The following CTNNA3 variants were observed in gnomAD, a reference collection of about 807,000 sequenced individuals.
The protein encoded by CTNNA3 is catenin alpha 3, also known as catenin alpha-3.
A neutral mutation model predicts 95.7 loss-of-function variants in CTNNA3; 76 were observed. The ratio of observed to expected loss-of-function variants is 0.79; its 90% CI spans 0.66 to 0.96. The LOEUF is 0.96. Among genes scored for constraint, CTNNA3 ranks in the 40% least tolerant of loss-of-function variants. CTNNA3 has a pLI of 0.00. For missense variants in CTNNA3, 1,191 were observed against 1,089.8 expected (o/e 1.09, Z -1.31); for synonymous variants, 431 against 374.4 (o/e 1.15, Z -1.74).
At chr10:67,409,543 C>T (rs1295593372) in intron 5 of CTNNA3, among the ~76,000 whole-genome samples, 2 of 150,556 alleles carry the variant, frequency 1.3e-5, no homozygotes, top group African/African-American at 4.9e-5. Flanking sequence ...GATGAGAACA[C>T]ATGAACACAT....
intron 3 of CTNNA3, among the ~76,000 whole-genome samples, chr10:67,600,325 T>TA (rs1490108328): frequency 6.6e-6 from 1 of 152,122 alleles, no homozygotes; most frequent in Non-Finnish European, 1.5e-5. Flanking sequence ...AGTTTTTTTT[T>TA]AACAGAACAT....
intron 13 of CTNNA3, among the ~76,000 whole-genome samples, chr10:66,217,611 GGACATACAT>G (rs2088637652): frequency 6.6e-6 from 1 of 152,036 alleles, no homozygotes; most frequent in South Asian, 2.1e-4. Flanking sequence ...GTTTTCATCT[GGACATACAT>G]TTTCATTGTT....
At chr10:66,300,751 T>C (rs1210887686) in intron 12 of CTNNA3, among the ~76,000 whole-genome samples, 1 of 151,906 alleles carries the variant, frequency 6.6e-6, no homozygotes, top group African/African-American at 2.4e-5. Flanking sequence ...GTCTATAACC[T>C]AAGCTTCTAC....
chr10:67,338,598 T>C (rs1160504042), intron 5 of CTNNA3, among the ~76,000 whole-genome samples: 1 of 152,186 alleles, frequency 6.6e-6, no homozygotes, highest in African/African-American at 2.4e-5. Flanking sequence ...TGGCAATCAC[T>C]GATAAGGAAT....
rs1465765604 is a variant in CTNNA3 at position 67,237,137 on chromosome 10, T to C, written c.580-17267A>G. Among the ~76,000 whole-genome samples the C allele has an allele frequency of 4.8e-3, 250 of 52,166 alleles. 16 individuals carry two copies. The East Asian group carries it at 0.1, about 22-fold the overall frequency. The allele number at this position is 52,166 out of a possible 152,430, so 34.2% of individuals were successfully genotyped here. A position where few individuals can be genotyped will look rare whatever the true frequency, so the allele number is the denominator to read the frequency against. On this transcript the variant is annotated intron_variant, in intron 5 of 17. Transcript: ENST00000433211. ...AAACTATGGTGTATGTATATATATA[T>C]ATATATATATATATATATATATATA...
chr10:67,373,622 C>T (rs1323695422), intron 5 of CTNNA3, among the ~76,000 whole-genome samples: 1 of 151,988 alleles, frequency 6.6e-6, no homozygotes, highest in Non-Finnish European at 1.5e-5. Flanking sequence ...GCACCAAGAT[C>T]TCCACTTGTT....
intron 10 of CTNNA3, among the ~76,000 whole-genome samples, chr10:66,531,428 T>G (rs901061548): frequency 3.3e-5 from 5 of 152,152 alleles, no homozygotes; most frequent in African/African-American, 1.2e-4. Context: ...CTTGCTCTGT[T>G]GCCCAGACTA....
intron 7 of CTNNA3, among the ~76,000 whole-genome samples, chr10:67,029,748 T>A (rs143020821): frequency 1.3e-5 from 2 of 152,176 alleles, no homozygotes; most frequent in African/African-American, 4.8e-5. Context: ...TGATTCTATA[T>A]CAAAAACCAA....
intron 13 of CTNNA3, among the ~76,000 whole-genome samples, chr10:66,128,977 A>T (rs1243877268): frequency 6.6e-6 from 1 of 152,144 alleles, no homozygotes; most frequent in East Asian, 1.9e-4. Context: ...AACAAAAAAA[A>T]AACTTGGCTG....
At chr10:65,983,662 A>G (rs1183668210) in intron 16 of CTNNA3, among the ~76,000 whole-genome samples, 4 of 151,464 alleles carry the variant, frequency 2.6e-5, no homozygotes, top group Admixed American at 1.3e-4. Context: ...AAATTCTACA[A>G]GACTTAAATA....
chr10:66,442,687 T>C (rs541612867), intron 11 of CTNNA3, among the ~76,000 whole-genome samples: 388 of 152,296 alleles, frequency 2.5e-3, no homozygotes, highest in African/African-American at 7.5e-3. Context: ...GGAGCCAAGA[T>C]GGCCGAATAG....
At chr10:66,292,046 A>G (rs1366136962) in intron 12 of CTNNA3, among the ~76,000 whole-genome samples, 2 of 151,164 alleles carry the variant, frequency 1.3e-5, no homozygotes, top group South Asian at 4.2e-4. Flanking sequence ...ACACACACCA[A>G]ATTTGGTATA....
chr10:67,154,689 C>T (rs1340096421), intron 7 of CTNNA3, among the ~76,000 whole-genome samples: 1 of 152,138 alleles, frequency 6.6e-6, no homozygotes, highest in East Asian at 1.9e-4. Context: ...CCCTCCAATC[C>T]TATAGCGACT....
chr10:66,635,533 G>A (rs12780976), intron 9 of CTNNA3, among the ~76,000 whole-genome samples: 47,022 of 151,954 alleles, frequency 0.31, 8,085 homozygotes, highest in Non-Finnish European at 0.39. Flanking sequence ...ATATATTAAA[G>A]CCAATATAAA....
chr10:66,096,294 T>C (rs1241687839), intron 14 of CTNNA3, among the ~76,000 whole-genome samples: 1 of 152,084 alleles, frequency 6.6e-6, no homozygotes, highest in African/African-American at 2.4e-5. Context: ...TTAGACCTTA[T>C]TGGATTTCAA....
At chr10:66,903,189 C>G (rs1426844275) in intron 7 of CTNNA3, among the ~76,000 whole-genome samples, 1 of 152,096 alleles carries the variant, frequency 6.6e-6, no homozygotes, top group Non-Finnish European at 1.5e-5. Flanking sequence ...ATGATCAAGT[C>G]AGCTTCATCC....
intron 9 of CTNNA3, among the ~76,000 whole-genome samples, chr10:66,659,071 T>C (rs2132436506): frequency 6.6e-6 from 1 of 152,236 alleles, no homozygotes; most frequent in South Asian, 2.1e-4. Flanking sequence ...TAAATGCTTA[T>C]GATATACCTG....
intron 17 of CTNNA3, among the ~76,000 whole-genome samples, chr10:65,956,857 A>G (rs2077741470): frequency 6.6e-6 from 1 of 152,200 alleles, no homozygotes; most frequent in African/African-American, 2.4e-5. Context: ...AGAAGAATGT[A>G]TATTCTATTG....
At chr10:66,408,448 C>G (rs2093074935) in intron 11 of CTNNA3, among the ~76,000 whole-genome samples, 1 of 152,118 alleles carries the variant, frequency 6.6e-6, no homozygotes, top group Non-Finnish European at 1.5e-5. Flanking sequence ...GGCACCTAAT[C>G]ATTCTCATTG....
Sources: allele counts gnomAD v4.1 joint callset (sites outside exome capture counted in the v4.1 genomes callset), GRCh38; gene constraint gnomAD v4.1.1; transcripts MANE v1.5; gene names NCBI Gene and HGNC (gene_info 2026-07-23, HGNC 2026-07-21).